The following BAZ1A variants were observed in gnomAD, a reference collection of about 807,000 sequenced individuals.
BAZ1A encodes the protein bromodomain adjacent to zinc finger domain 1A, also known as bromodomain adjacent to zinc finger domain protein 1A.
BAZ1A carries 50 observed loss-of-function variants against 185.2 expected under a neutral mutation model. That is an observed-to-expected ratio of 0.27 (90% CI 0.22 to 0.34). BAZ1A has a LOEUF of 0.34. Among genes scored for constraint, BAZ1A ranks in the 10% least tolerant of loss-of-function variants. The probability of loss-of-function intolerance (pLI) is 1.00; values close to 1 mark genes in which losing one functional copy is unlikely to be tolerated. For missense variants in BAZ1A, 1,356 were observed against 1,839.9 expected (o/e 0.74, Z 4.81); for synonymous variants, 571 against 615.6 (o/e 0.93, Z 1.07).
intron 6 of BAZ1A, 93 bp downstream of exon 6, chr14:34,807,358 A>G: frequency 1.2e-6 from 1 of 853,036 alleles, no homozygotes; most frequent in East Asian, 3.0e-5. Context: ...ATCTTTAATC[A>G]TCTTTGAAAT....
intron 16 of BAZ1A, among the ~76,000 whole-genome samples, chr14:34,782,883 T>C (rs1880134067): frequency 6.6e-6 from 1 of 152,200 alleles, no homozygotes; most frequent in Admixed American, 6.5e-5. Flanking sequence ...CCTGTTCCTC[T>C]ATACAGCACA....
rs560726698 is a variant in BAZ1A at position 34,818,365 on chromosome 14, A to C, written c.537-7329T>G. ...ACAAAGTTATAGCTTAATGGATACA[A>C]AATTTCTATTTCAAAGTAAATAGTG... On this transcript the variant is annotated intron_variant, in intron 4 of 26. Coordinates refer to ENST00000360310, the MANE Select transcript of BAZ1A (RefSeq NM_013448.3). 3.9e-5 allele frequency among the ~76,000 whole-genome samples: 6 copies of C among 152,364 alleles called. No homozygotes were observed. In the South Asian group the frequency reaches 1.2e-3, roughly 32 times the overall value.
chr14:34,762,129 G>C lies in BAZ1A; in HGVS notation c.3871C>G (p.Pro1291Ala). 1.2e-6 allele frequency: 2 copies of C among 1,614,172 alleles called. No individual in the cohort carries two copies. ...TGACTCCTTGAAGGGTATCTTCCAG[G>C]TTCTTGTTGTTGGCCACGACTTGAG... ...SFSSRGQQQE[P>A]GRYPSRSQQS... Residue 1291 changes from proline (P) to alanine (A), a missense_variant, in exon 24 of 27, where the codon CCT (proline) becomes GCT (alanine). Around this residue, in one of 7 missense-constraint regions of BAZ1A, gnomAD observed 309 missense variants for 355.3 expected, o/e 0.87. Transcript: ENST00000360310.
At chr14:34,869,802 T>C (rs568101631) in intron 2 of BAZ1A, among the ~76,000 whole-genome samples, 3 of 152,334 alleles carry the variant, frequency 2.0e-5, no homozygotes, top group African/African-American at 7.2e-5. Flanking sequence ...GAATCTGGGC[T>C]GACCTTGTAA....
intron 9 of BAZ1A, among the ~76,000 whole-genome samples, chr14:34,798,623 G>A (rs1324851143): frequency 1.3e-5 from 2 of 152,108 alleles, no homozygotes; most frequent in Non-Finnish European, 2.9e-5. Flanking sequence ...GCAGCCAAAA[G>A]ACACATGAAA....
chr14:34,846,640 T>C (rs1055123062), intron 3 of BAZ1A, among the ~76,000 whole-genome samples: 3 of 152,152 alleles, frequency 2.0e-5, no homozygotes, highest in Non-Finnish European at 2.9e-5. Flanking sequence ...TTTTAGCGTA[T>C]AAAAAAAGGG....
At chr14:34,761,671 A>T in intron 24 of BAZ1A, 86 bp downstream of exon 24, 1 of 1,240,580 alleles carries the variant, frequency 8.1e-7, no homozygotes, top group South Asian at 1.5e-5. Flanking sequence ...GACAGACTTT[A>T]AAAAATGATC....
At chr14:34,871,039 T>C (rs150420177) in intron 2 of BAZ1A, among the ~76,000 whole-genome samples, 1 of 152,324 alleles carries the variant, frequency 6.6e-6, no homozygotes, top group African/African-American at 2.4e-5. Context: ...AGATGGGAAA[T>C]ATATTCCAAG....
chr14:34,851,205 C>T (rs562060675), intron 3 of BAZ1A, among the ~76,000 whole-genome samples: 4 of 151,512 alleles, frequency 2.6e-5, no homozygotes. Flanking sequence ...TGGTTGCAGG[C>T]GCCTGTAGTC....
At chr14:34,861,777 G>A (rs2042772434) in intron 3 of BAZ1A, among the ~76,000 whole-genome samples, 1 of 152,124 alleles carries the variant, frequency 6.6e-6, no homozygotes, top group Non-Finnish European at 1.5e-5. Flanking sequence ...ATTAAAAAGG[G>A]AAGGAATTTG....
intron 25 of BAZ1A, among the ~76,000 whole-genome samples, chr14:34,757,398 C>T (rs1405618871): frequency 4.0e-5 from 6 of 148,616 alleles, no homozygotes. Context: ...GGTGCAGTGG[C>T]CCGTGCCTGT....
intron 21 of BAZ1A, among the ~76,000 whole-genome samples, chr14:34,767,651 T>C (rs1046316649): frequency 6.6e-6 from 1 of 152,210 alleles, no homozygotes; most frequent in Admixed American, 6.6e-5. Flanking sequence ...TTTTAAAATA[T>C]AAGCCTTCAT....
chr14:34,771,790 G>T, intron 20 of BAZ1A, 131 bp from the exon 21 acceptor site: 1 of 743,686 alleles, frequency 1.3e-6, no homozygotes, highest in Non-Finnish European at 2.1e-6. Context: ...AGGAGTTGCA[G>T]TAAACTAGTA....
In BAZ1A at chr14:34,780,177, C is replaced by T. The variant is rs375584328; in HGVS notation, c.2236+9G>A. ...ACACAAGAATGCCCTAAAGAAATTT[C>T]AGTATTACCCCTTCTGCCTCTTTTA... On this transcript the variant is annotated intron_variant, in intron 17 of 26. Transcript: ENST00000360310. 60 of 1,611,202 alleles carry T rather than the reference C, an allele frequency of 3.7e-5. No individual in the cohort carries two copies. Among genetic ancestry groups the T allele is most frequent in the African/African-American group, 5.3e-5 (4 of 74,804 alleles).
At chr14:34,872,745 A>G (rs1219403818) in intron 2 of BAZ1A, among the ~76,000 whole-genome samples, 3 of 152,160 alleles carry the variant, frequency 2.0e-5, no homozygotes, top group East Asian at 1.9e-4. Context: ...TTCACAAAGG[A>G]TAACAGTCAT....
intron 17 of BAZ1A, among the ~76,000 whole-genome samples, chr14:34,778,865 A>AT (rs887784479): frequency 1.6e-4 from 24 of 152,006 alleles, no homozygotes; most frequent in Admixed American, 6.6e-4. Context: ...TTTTTATTTT[A>AT]TTTTTTTGAG....
At chr14:34,796,561 A>C (rs1055059494) in intron 9 of BAZ1A, among the ~76,000 whole-genome samples, 35 of 152,332 alleles carry the variant, frequency 2.3e-4, no homozygotes, top group African/African-American at 8.2e-4. Flanking sequence ...TATTTCTTAT[A>C]ATTCAGGCTA....
chr14:34,776,608 T>C, intron 17 of BAZ1A, 93 bp from the exon 18 acceptor site: 3 of 1,055,432 alleles, frequency 2.8e-6, no homozygotes, highest in Non-Finnish European at 1.3e-6. Context: ...TATTAGGTGT[T>C]ATGAACTAAA....
intron 3 of BAZ1A, among the ~76,000 whole-genome samples, chr14:34,838,833 AT>A (rs758602280): frequency 2.6e-5 from 4 of 152,106 alleles, no homozygotes; most frequent in Non-Finnish European, 4.4e-5. Context: ...CCAGGAAACA[AT>A]TATTTTACAA....
Sources: gnomAD v4.1 joint callset for allele counts (sites outside exome capture counted in the v4.1 genomes callset) on GRCh38, gnomAD v4.1.1 for gene constraint, gnomAD v4.1.1 regional missense constraint, MANE v1.5 for transcripts, NCBI Gene and HGNC (gene_info 2026-07-23, HGNC 2026-07-21) for gene names.